Variants in TNNI3K observed in about 807,000 individuals in gnomAD.
TNNI3K encodes serine/threonine-protein kinase TNNI3K.
A neutral mutation model predicts 114.5 loss-of-function variants in TNNI3K; 140 were observed. The ratio of observed to expected loss-of-function variants is 1.22; its 90% CI spans 1.07 to 1.41. TNNI3K has a LOEUF of 1.41. Ranked by LOEUF, TNNI3K falls within the 40% of genes most tolerant of loss-of-function variation. The pLI is 0.00. For missense variants in TNNI3K, 1,125 were observed against 1,007.6 expected (o/e 1.12, Z -1.58); for synonymous variants, 347 against 347.5 (o/e 1.00, Z 0.02).
chr1:74,336,123 T>C lies in TNNI3K; in HGVS notation c.656T>C (p.Leu219Ser), dbSNP rs201777822. The change falls in exon 7 of 25, where the codon TTG becomes TCG. Residue 219 changes from leucine (L) to serine (S), a missense_variant. Transcript: ENST00000326637. ...AKGFLNIAKL[L>S]MEEGSKADVN... ...GGATTCTTGAATATTGCAAAACTCT[T>C]GATGGAAGAAGGCAGCAAAGCAGAT... 147 of 1,603,650 alleles carry C rather than the reference T, an allele frequency of 9.2e-5. 4 individuals carry two copies. In the South Asian group the frequency reaches 1.6e-3, roughly 17 times the overall value.
At chr1:74,265,093 A>T (rs945489446) in intron 4 of TNNI3K, among the ~76,000 whole-genome samples, 5 of 151,974 alleles carry the variant, frequency 3.3e-5, no homozygotes, top group African/African-American at 1.2e-4. Context: ...AAATCAGAAG[A>T]CCTGATTTCA....
chr1:74,543,076 T>C lies in TNNI3K; in HGVS notation c.2432-830T>C, dbSNP rs1236314712. Among the ~76,000 whole-genome samples the C allele has an allele frequency of 6.5e-4, 83 of 127,438 alleles. 1 individual carries two copies. The highest frequency in any genetic ancestry group is 1.4e-3 in the African/African-American group (47 of 33,916). 83.6% of individuals were successfully genotyped at this position (127,438 alleles called of 152,430 possible). A position where few individuals can be genotyped will look rare whatever the true frequency, so the allele number is the denominator to read the frequency against. The stretch of plus-strand genomic sequence containing the variant: ...TTTTTCTTTTTCCCTTTTTTTTTTT[T>C]TTTTTTTTTTTTTTTTTGAGATGGA... On this transcript the variant is annotated intron_variant, in intron 24 of 24. Transcript: ENST00000326637.
intron 4 of TNNI3K, among the ~76,000 whole-genome samples, chr1:74,253,484 C>G (rs895545826): frequency 1.3e-5 from 2 of 152,156 alleles, no homozygotes; most frequent in Admixed American, 6.5e-5. Context: ...TGAGCCCTGC[C>G]GCACGGGGAG....
intron 5 of TNNI3K, among the ~76,000 whole-genome samples, chr1:74,316,508 T>C (rs1173230849): frequency 6.6e-6 from 1 of 152,098 alleles, no homozygotes; most frequent in Non-Finnish European, 1.5e-5. Context: ...CCTTGGGACC[T>C]TTGACCTGCT....
At chr1:74,488,271 C>T (rs577841759) in intron 21 of TNNI3K, among the ~76,000 whole-genome samples, 4 of 152,208 alleles carry the variant, frequency 2.6e-5, no homozygotes, top group African/African-American at 9.6e-5. Flanking sequence ...CCCACTGCTC[C>T]CACTGCCCCC....
intron 21 of TNNI3K, chr1:74,472,071 G>A: frequency 1.4e-6 from 1 of 716,926 alleles, no homozygotes; most frequent in South Asian, 1.5e-5. Context: ...GCCTATGAGG[G>A]TGTAAGCCAT....
intron 23 of TNNI3K, among the ~76,000 whole-genome samples, chr1:74,533,992 G>A (rs1011817889): frequency 2.6e-5 from 4 of 152,134 alleles, no homozygotes; most frequent in Admixed American, 6.6e-5. Flanking sequence ...CAAGTCATTC[G>A]AACTTTCTGA....
chr1:74,445,134 T>TA (rs1464729994), intron 20 of TNNI3K, among the ~76,000 whole-genome samples: 11 of 151,656 alleles, frequency 7.3e-5, no homozygotes, highest in Admixed American at 7.2e-4. Flanking sequence ...ACAAAGATTT[T>TA]ATGACAAAAA....
chr1:74,387,233 T>G (rs923172256), intron 17 of TNNI3K, among the ~76,000 whole-genome samples: 2 of 152,214 alleles, frequency 1.3e-5, no homozygotes, highest in Non-Finnish European at 2.9e-5. Context: ...AAAAGTGTGA[T>G]CTTCTGGTAT....
At chr1:74,467,317 A>C (rs1667722682) in intron 21 of TNNI3K, among the ~76,000 whole-genome samples, 1 of 152,160 alleles carries the variant, frequency 6.6e-6, no homozygotes, top group African/African-American at 2.4e-5. Flanking sequence ...ATTACTTTCT[A>C]GGTTATCAAC....
chr1:74,257,073 CCTT>C (rs1459458696), intron 4 of TNNI3K, among the ~76,000 whole-genome samples: 15 of 151,686 alleles, frequency 9.9e-5, no homozygotes, highest in Admixed American at 9.2e-4. Context: ...TTTTTTTCTT[CCTT>C]CTTCTTTCTT....
At position 74,249,469 on chromosome 1, in the gene TNNI3K, G is replaced by T. The variant is rs1431968889; in HGVS notation, c.160G>T (p.Ala54Ser). The change falls in exon 3 of 25, where the codon GCC (alanine) becomes TCC (serine). Residue 54 changes from alanine to serine, a missense_variant. Ala to Ser is a moderately conservative substitution (Grantham distance 99, BLOSUM62 1). Transcript: ENST00000326637. The stretch of plus-strand genomic sequence containing the variant: ...ACATGTTTTTTTCAGCTCTGATGAA[G>T]CCTTCAGTAAAGTCAATTTAAATTA... Reference protein sequence around the residue: ...ELRNIFGSDEAFSKVNLNYRT... With the variant: ...ELRNIFGSDESFSKVNLNYRT... The T allele has an allele frequency of 5.0e-6, 8 of 1,612,836 alleles. No individual in the cohort carries two copies. The African/African-American group carries it at 5.3e-5, about 11-fold the overall frequency.
chr1:74,485,596 A>G (rs997848520), intron 21 of TNNI3K, among the ~76,000 whole-genome samples: 1 of 152,162 alleles, frequency 6.6e-6, no homozygotes, highest in Non-Finnish European at 1.5e-5. Context: ...ATGATGAGAT[A>G]TTACTCCCAT....
chr1:74,235,456 G>T lies in TNNI3K; in HGVS notation c.5G>T (p.Gly2Val). 6.6e-7 allele frequency: 1 copy of T among 1,517,830 alleles called. No individual in the cohort carries two copies. The highest frequency in any genetic ancestry group is 1.2e-5 in the South Asian group (1 of 84,328). The allele number at this position is 1,517,830 out of a possible 1,614,324, so 94.0% of individuals were successfully genotyped here. M[G>V]NYKSRPTQTC... ...AAAGGAAGAAACTTATAATAAATGGGAAATTATAAATCTAGACCAACCCAA... is the reference window on the plus strand; with the variant it reads ...AAAGGAAGAAACTTATAATAAATGGTAAATTATAAATCTAGACCAACCCAA... Residue 2 changes from glycine to valine, a missense_variant, in exon 1 of 25, where the codon GGA becomes GTA. By Grantham distance (109) the Gly-to-Val change is moderately radical. Coordinates refer to ENST00000326637, the MANE Select transcript of TNNI3K (RefSeq NM_015978.3).
At chr1:74,301,287 C>G (rs1658316758) in intron 5 of TNNI3K, among the ~76,000 whole-genome samples, 2 of 152,026 alleles carry the variant, frequency 1.3e-5, no homozygotes, top group African/African-American at 4.8e-5. Context: ...ATAGTCCCAG[C>G]TACTAGGGAG....
intron 23 of TNNI3K, among the ~76,000 whole-genome samples, chr1:74,531,152 A>G (rs1646577275): frequency 6.6e-6 from 1 of 152,144 alleles, no homozygotes. Flanking sequence ...GATGGGTTTG[A>G]TATTCCTGAA....
At chr1:74,243,232 T>C (rs892320965) in intron 2 of TNNI3K, among the ~76,000 whole-genome samples, 12 of 152,206 alleles carry the variant, frequency 7.9e-5, no homozygotes, top group Non-Finnish European at 1.5e-4. Flanking sequence ...CAGTATTAGT[T>C]TGCAGATTTT....
At position 74,368,879 on chromosome 1, in the gene TNNI3K, AAGT is replaced by A. The variant is rs1393847159; in HGVS notation, c.1322-139_1322-137del. 16 of 698,806 alleles carry A rather than the reference AAGT, an allele frequency of 2.3e-5. No individual in the cohort carries two copies. In the African/African-American group the frequency reaches 2.6e-4, roughly 11 times the overall value. 43.3% of individuals were successfully genotyped at this position (698,806 alleles called of 1,614,324 possible). Reference sequence around the variant, plus strand: ...TTTGGGTTAAGGTTTTAGCATCTTTAAGTAGTCAATTACAGTTGGAAAATTAAA... The same window carrying A: ...TTTGGGTTAAGGTTTTAGCATCTTTAAGTCAATTACAGTTGGAAAATTAAA... On this transcript the variant is annotated intron_variant, in intron 13 of 24. Coordinates refer to ENST00000326637, the MANE Select transcript of TNNI3K (RefSeq NM_015978.3).
At chr1:74,381,892 T>A (rs548962965) in intron 17 of TNNI3K, among the ~76,000 whole-genome samples, 82 of 152,290 alleles carry the variant, frequency 5.4e-4, no homozygotes, top group Middle Eastern at 3.4e-3. Flanking sequence ...TTTGGAAACA[T>A]AATGGCAGAG....
Sources: gnomAD v4.1 joint callset for allele counts (sites outside exome capture counted in the v4.1 genomes callset) on GRCh38, gnomAD v4.1.1 for gene constraint, MANE v1.5 for transcripts, NCBI Gene and HGNC (gene_info 2026-07-23, HGNC 2026-07-21) for gene names.